Variants in ECD observed in about 807,000 individuals in gnomAD.
ECD encodes protein ecdysoneless homolog.
A neutral mutation model predicts 77.2 loss-of-function variants in ECD; 59 were observed. The ratio of observed to expected loss-of-function variants is 0.76; its 90% CI spans 0.62 to 0.95. ECD has a LOEUF of 0.95. Ranked by LOEUF, ECD falls within the 40% of genes least tolerant of loss-of-function variation. The probability of loss-of-function intolerance (pLI) is 0.00; values close to 1 mark genes in which losing one functional copy is unlikely to be tolerated. For synonymous variants in ECD, 233 were observed against 267.4 expected, an observed-to-expected ratio of 0.87 and a Z score of 1.26; for missense variants, 704 against 763.4, an observed-to-expected ratio of 0.92 and a Z score of 0.92.
intron 13 of ECD, 49 bp downstream of exon 13, chr10:73,136,655 A>G (rs1268158286): frequency 6.6e-7 from 1 of 1,521,020 alleles, no homozygotes; most frequent in African/African-American, 1.4e-5. Context: ...GGTTTTAGCT[A>G]TCTGACATAC....
intron 5 of ECD, 23 bp from the exon 6 acceptor site, chr10:73,154,471 T>A: frequency 6.3e-7 from 1 of 1,584,154 alleles, no homozygotes; most frequent in South Asian, 1.1e-5. Flanking sequence ...ACATAATTAC[T>A]TTCATTTTAC....
intron 2 of ECD, among the ~76,000 whole-genome samples, chr10:73,162,822 T>C (rs921475533): frequency 2.0e-5 from 3 of 152,208 alleles, no homozygotes; most frequent in African/African-American, 7.2e-5. Flanking sequence ...TAAGGGTATA[T>C]GTCTGCTGCT....
At chr10:73,142,535 G>A (rs1419022495) in intron 9 of ECD, among the ~76,000 whole-genome samples, 3 of 151,104 alleles carry the variant, frequency 2.0e-5, no homozygotes, top group African/African-American at 7.3e-5. Context: ...TCAGGAGGCT[G>A]AGGCAGGGGC....
At chr10:73,136,226 G>A (rs1176783251) in intron 13 of ECD, among the ~76,000 whole-genome samples, 2 of 152,116 alleles carry the variant, frequency 1.3e-5, no homozygotes, top group Admixed American at 6.5e-5. Context: ...CTCTAAATTA[G>A]GGAAAAATAC....
In ECD at chr10:73,156,375, G is replaced by T; in HGVS notation, c.490C>A (p.Pro164Thr). 3 of 1,613,674 alleles carry T rather than the reference G, an allele frequency of 1.9e-6. No individual in the cohort carries two copies. Among genetic ancestry groups the T allele is most frequent in the South Asian group, 1.1e-5 (1 of 90,924 alleles). The change falls in exon 5 of 14, where the codon CCC (proline) becomes ACC (threonine). Residue 164 changes from proline to threonine, a missense_variant. Physicochemically the swap from Pro to Thr is conservative, Grantham distance 38 (BLOSUM62 -1). Transcript: ENST00000372979. ...SGAESWLPTT[P>T]PTIPQALNII... ...TTCAATGCTTGTGGAATTGTTGGGG[G>T]TGTGGTGGGTAACCAAGATTCTGCT...
In ECD at chr10:73,154,236, G is replaced by T; in HGVS notation, c.783+20C>A. 6.4e-7 allele frequency: 1 copy of T among 1,564,036 alleles called. No individual in the cohort carries two copies. Among genetic ancestry groups the T allele is most frequent in the South Asian group, 1.2e-5 (1 of 83,820 alleles). On this transcript the variant is annotated intron_variant, in intron 6 of 13. Coordinates refer to ENST00000372979, the MANE Select transcript of ECD (RefSeq NM_007265.3). ...CGGTTTCCAGTAAGAGAAACTAAATGACCAAGATAGAAATCTCACCGATGT... is the reference window on the plus strand; with the variant it reads ...CGGTTTCCAGTAAGAGAAACTAAATTACCAAGATAGAAATCTCACCGATGT...
At chr10:73,163,647 C>A (rs1843409382) in intron 2 of ECD, 86 bp downstream of exon 2, 1 of 1,335,238 alleles carries the variant, frequency 7.5e-7, no homozygotes, top group African/African-American at 1.5e-5. Context: ...CCTGGCAACA[C>A]TGAATGAAGC....
At chr10:73,140,917 T>C (rs1843048495) in intron 9 of ECD, among the ~76,000 whole-genome samples, 1 of 151,184 alleles carries the variant, frequency 6.6e-6, no homozygotes, top group South Asian at 2.1e-4. Context: ...GTACTAAAAA[T>C]ACATAAAAAT....
At chr10:73,140,352 A>T (rs1389964307) in intron 9 of ECD, among the ~76,000 whole-genome samples, 1 of 151,858 alleles carries the variant, frequency 6.6e-6, no homozygotes, top group Non-Finnish European at 1.5e-5. Context: ...TTTACCAGGA[A>T]CTCTAAAATA....
chr10:73,137,356 T>A (rs993474223), intron 12 of ECD, among the ~76,000 whole-genome samples: 2 of 152,182 alleles, frequency 1.3e-5, no homozygotes, highest in Non-Finnish European at 2.9e-5. Flanking sequence ...TATATACATA[T>A]TATAATTATT....
chr10:73,156,843 AAGG>A (rs992609842), intron 3 of ECD, among the ~76,000 whole-genome samples, 188 bp from the exon 4 acceptor site: 58 of 152,344 alleles, frequency 3.8e-4, no homozygotes, highest in African/African-American at 1.3e-3. Context: ...GTAAGATTGT[AAGG>A]AGGAGTTGAA....
At chr10:73,162,322 A>C (rs1843390697) in intron 2 of ECD, among the ~76,000 whole-genome samples, 1 of 152,250 alleles carries the variant, frequency 6.6e-6, no homozygotes, top group Non-Finnish European at 1.5e-5. Context: ...TTCAGGATTT[A>C]GCATCTGACT....
chr10:73,159,928 C>T (rs1366595399), intron 3 of ECD, among the ~76,000 whole-genome samples: 3 of 151,188 alleles, frequency 2.0e-5, no homozygotes, highest in Non-Finnish European at 4.4e-5. Context: ...GTGTGAGCCA[C>T]CGCGCCTGGC....
At chr10:73,155,208 A>T (rs190456940) in intron 5 of ECD, among the ~76,000 whole-genome samples, 381 of 152,006 alleles carry the variant, frequency 2.5e-3, no homozygotes, top group African/African-American at 8.7e-3. Flanking sequence ...CTGGGACTAC[A>T]GGGGCCTGCC....
chr10:73,138,847 G>A (rs1204945233), intron 11 of ECD, among the ~76,000 whole-genome samples: 2 of 152,216 alleles, frequency 1.3e-5, no homozygotes, highest in African/African-American at 4.8e-5. Context: ...TTACAGGCAT[G>A]AGCCACCGCG....
chr10:73,139,004 C>T (rs1015315105), intron 11 of ECD, among the ~76,000 whole-genome samples: 1 of 152,074 alleles, frequency 6.6e-6, no homozygotes, highest in African/African-American at 2.4e-5. Flanking sequence ...GAGGTCTGAA[C>T]TTGTTGAAAG....
intron 9 of ECD, among the ~76,000 whole-genome samples, chr10:73,142,782 A>G (rs1433983125): frequency 1.3e-5 from 2 of 151,970 alleles, no homozygotes; most frequent in African/African-American, 4.8e-5. Flanking sequence ...GTATGTATAT[A>G]TATTTCTGTT....
In ECD at chr10:73,155,754, C is replaced by T. The variant is rs952470879; in HGVS notation, c.590+521G>A. Among the ~76,000 whole-genome samples, 225 of 152,148 alleles carry T rather than the reference C, an allele frequency of 1.5e-3. 2 individuals are homozygous for T. The highest frequency in any genetic ancestry group is 1.6e-4 in the Non-Finnish European group (11 of 67,986). The stretch of plus-strand genomic sequence containing the variant: ...AGCTGAGATTACAGGCACCTGCCAC[C>T]ACGCCCTGCTATTTTGTTTTTGTAT... On this transcript the variant is annotated intron_variant, in intron 5 of 13. Coordinates refer to ENST00000372979, the MANE Select transcript of ECD (RefSeq NM_007265.3).
chr10:73,139,877 G>T, intron 9 of ECD, 140 bp from the exon 10 acceptor site: 1 of 581,998 alleles, frequency 1.7e-6, no homozygotes, highest in South Asian at 2.5e-5. Flanking sequence ...TAAGAGATGG[G>T]GTTTCATTGT....
Sources: allele counts gnomAD v4.1 joint callset (sites outside exome capture counted in the v4.1 genomes callset), GRCh38; gene constraint gnomAD v4.1.1; transcripts MANE v1.5; gene names NCBI Gene and HGNC (gene_info 2026-07-23, HGNC 2026-07-21).